Variants in CSPP1 observed in about 807,000 individuals in gnomAD.
CSPP1 encodes the protein centrosome and spindle pole associated protein 1, also known as centrosome and spindle pole-associated protein 1.
Under a neutral mutation model 164.4 loss-of-function variants are expected in CSPP1, and 126 were observed. That is an observed-to-expected ratio of 0.77 (90% CI 0.66 to 0.89). The LOEUF is 0.89. Among genes scored for constraint, CSPP1 ranks in the 40% least tolerant of loss-of-function variants. The pLI, the probability that CSPP1 is intolerant of heterozygous loss-of-function variation, is 0.00. For synonymous variants in CSPP1, 472 were observed against 476.7 expected (o/e 0.99, Z 0.13); for missense variants, 1,395 against 1,449.8 (o/e 0.96, Z 0.61).
intron 9 of CSPP1, 47 bp downstream of exon 9, chr8:67,106,022 T>C (rs770249222): frequency 2.1e-6 from 2 of 939,360 alleles, no homozygotes; most frequent in South Asian, 1.4e-5. Context: ...GAGTGTCTTA[T>C]AATCCTTTTT....
intron 28 of CSPP1, among the ~76,000 whole-genome samples, chr8:67,182,963 T>C (rs796338744): frequency 2.6e-5 from 4 of 152,350 alleles, no homozygotes; most frequent in African/African-American, 7.2e-5. Flanking sequence ...CTTTGATACA[T>C]AGGAGCTTTT....
intron 15 of CSPP1, among the ~76,000 whole-genome samples, chr8:67,124,273 GT>G (rs981515635): frequency 1.3e-5 from 2 of 151,822 alleles, no homozygotes; most frequent in Non-Finnish European, 2.9e-5. Context: ...ATAATTTTGA[GT>G]TTTTTTGTGG....
At chr8:67,093,781 A>G (rs1812115671) in intron 6 of CSPP1, 140 bp downstream of exon 6, 2 of 469,772 alleles carry the variant, frequency 4.3e-6, no homozygotes, top group Admixed American at 7.8e-5. Flanking sequence ...AACCAAACAC[A>G]GGACATTTAA....
At chr8:67,092,302 G>A (rs1299637089) in intron 5 of CSPP1, among the ~76,000 whole-genome samples, 4 of 152,226 alleles carry the variant, frequency 2.6e-5, no homozygotes, top group South Asian at 2.1e-4. Context: ...ATTAATACAC[G>A]TCCATATTCC....
chr8:67,154,732 C>T (rs1472496726), intron 19 of CSPP1, among the ~76,000 whole-genome samples: 2 of 151,396 alleles, frequency 1.3e-5, no homozygotes, highest in Non-Finnish European at 2.9e-5. Flanking sequence ...AACTACTGAC[C>T]TCAAGTGATC....
intron 17 of CSPP1, among the ~76,000 whole-genome samples, chr8:67,141,850 A>T (rs1294569164): frequency 6.6e-6 from 1 of 152,226 alleles, no homozygotes; most frequent in Admixed American, 6.5e-5. Flanking sequence ...GGAACATTAC[A>T]TTTGAAATAT....
intron 7 of CSPP1, among the ~76,000 whole-genome samples, chr8:67,099,881 T>C (rs1380464497): frequency 6.6e-6 from 1 of 152,178 alleles, no homozygotes; most frequent in Non-Finnish European, 1.5e-5. Flanking sequence ...TTCAGCTTAA[T>C]TTCCCTTCAA....
At chr8:67,122,991 G>A (rs1819278103) in intron 15 of CSPP1, 1 of 152,372 alleles carries the variant, frequency 6.6e-6, no homozygotes, top group South Asian at 2.1e-4. Context: ...CAACCTCCTG[G>A]GCTCAAGCAA....
At chr8:67,130,509 AG>A (rs1821013648) in intron 15 of CSPP1, among the ~76,000 whole-genome samples, 1 of 152,218 alleles carries the variant, frequency 6.6e-6, no homozygotes, top group Non-Finnish European at 1.5e-5. Context: ...ACAGTCAGTT[AG>A]GAACTATTTG....
intron 25 of CSPP1, chr8:67,173,042 G>A (rs1318552635): frequency 6.6e-6 from 1 of 152,338 alleles, no homozygotes; most frequent in Non-Finnish European, 1.5e-5. Context: ...TAAGTGGAAT[G>A]ATTGCCGATT....
chr8:67,139,800 A>G lies in CSPP1; in HGVS notation c.1975+2197A>G, dbSNP rs534864569. 1.5e-3 allele frequency among the ~76,000 whole-genome samples: 222 copies of G among 152,266 alleles called. 1 individual carries two copies. The highest frequency in any genetic ancestry group is 5.1e-3 in the African/African-American group (210 of 41,542). ...TAGGTGGGAATTGAACAATGAGAAC[A>G]CATGGACACAGGAAGGGGAACATCA... On this transcript the variant is annotated intron_variant, in intron 17 of 30. Coordinates refer to ENST00000678616, the MANE Select transcript of CSPP1 (RefSeq NM_001382391.1).
rs540035913 is a variant in CSPP1, at chr8:67,167,110, C to T, written c.2828+2602C>T. Among the ~76,000 whole-genome samples, 119 of 152,348 alleles carry T rather than the reference C, an allele frequency of 7.8e-4. 1 individual carries two copies. Among genetic ancestry groups the T allele is most frequent in the African/African-American group, 2.7e-3 (112 of 41,572 alleles). On this transcript the variant is annotated intron_variant, in intron 24 of 30. Coordinates refer to ENST00000678616, the MANE Select transcript of CSPP1 (RefSeq NM_001382391.1). ...TTAGTACAGAACAAAATGGAGTCTC[C>T]TATGTCTACTTCTTTCTACACAGAC...
At chr8:67,161,148 A>T (rs941566909) in intron 21 of CSPP1, among the ~76,000 whole-genome samples, 12 of 152,170 alleles carry the variant, frequency 7.9e-5, no homozygotes, top group South Asian at 2.1e-4. Context: ...ATCTAAATCC[A>T]TTTATGTTTA....
intron 18 of CSPP1, among the ~76,000 whole-genome samples, chr8:67,152,352 T>G (rs957963417): frequency 3.3e-5 from 5 of 152,174 alleles, no homozygotes; most frequent in African/African-American, 1.2e-4. Flanking sequence ...TTATCTTCAT[T>G]AGGTTTGTTT....
intron 1 of CSPP1, among the ~76,000 whole-genome samples, chr8:67,068,204 T>C (rs1805990013): frequency 6.6e-6 from 1 of 152,240 alleles, no homozygotes; most frequent in Admixed American, 6.5e-5. Flanking sequence ...TATGCATTAT[T>C]TTCTTTTTTC....
intron 19 of CSPP1, 96 bp downstream of exon 19, chr8:67,154,232 G>T: frequency 3.1e-6 from 2 of 645,108 alleles, no homozygotes; most frequent in Non-Finnish European, 2.7e-6. Context: ...ATTCTAAAAT[G>T]CCATACTGTT....
At chr8:67,071,112 A>G (rs1806686722) in intron 1 of CSPP1, among the ~76,000 whole-genome samples, 1 of 152,162 alleles carries the variant, frequency 6.6e-6, no homozygotes, top group African/African-American at 2.4e-5. Flanking sequence ...TGAAGTTTAC[A>G]TTAGGTACTG....
At chr8:67,099,028 G>A (rs1433134386) in intron 7 of CSPP1, among the ~76,000 whole-genome samples, 1 of 151,044 alleles carries the variant, frequency 6.6e-6, no homozygotes, top group Non-Finnish European at 1.5e-5. Flanking sequence ...CCCTATACCT[G>A]GTTTCTTTGG....
chr8:67,194,193 T>C (rs1837227719), intron 30 of CSPP1, among the ~76,000 whole-genome samples: 1 of 152,198 alleles, frequency 6.6e-6, no homozygotes, highest in Admixed American at 6.5e-5. Flanking sequence ...TCTATACCAG[T>C]GCTATTAGTC....
Sources: allele counts gnomAD v4.1 joint callset (sites outside exome capture counted in the v4.1 genomes callset), GRCh38; gene constraint gnomAD v4.1.1; transcripts MANE v1.5; gene names NCBI Gene and HGNC (gene_info 2026-07-23, HGNC 2026-07-21).